The following LTF variants were observed in gnomAD, a reference collection of about 807,000 sequenced individuals.
LTF encodes lactotransferrin.
Under a neutral mutation model 87.2 loss-of-function variants are expected in LTF, and 91 were observed. That is an observed-to-expected ratio of 1.04 (90% CI 0.88 to 1.24). LTF has a LOEUF of 1.24. LTF is among the 50% of genes most tolerant of loss of function. LTF has a pLI of 0.00. For synonymous variants in LTF, 378 were observed against 356.1 expected (o/e 1.06, Z -0.69); for missense variants, 901 against 904.3 (o/e 1.00, Z 0.05).
At chr3:46,483,283 C>T (rs1229882977) in intron 1 of LTF, among the ~76,000 whole-genome samples, 1 of 152,216 alleles carries the variant, frequency 6.6e-6, no homozygotes, top group Non-Finnish European at 1.5e-5. Context: ...TGGAACCCAG[C>T]CTCTCCTCTC....
intron 12 of LTF, 46 bp from the exon 13 acceptor site, chr3:46,443,628 A>G: frequency 6.2e-7 from 1 of 1,606,440 alleles, no homozygotes; most frequent in Non-Finnish European, 8.5e-7. Context: ...ACCTGAGTCC[A>G]CACAAGCAAC....
chr3:46,450,583 T>C lies in LTF; in HGVS notation c.794A>G (p.His265Arg). 6.2e-7 allele frequency: 1 copy of C among 1,614,172 alleles called. No homozygotes were observed. ...GGCATGAGAAGGGACCCGGGCCAGA[T>C]GGCAGTCTTTGAACTTGTCCACTGG... The part of the protein sequence containing the change: ...RKPVDKFKDC[H>R]LARVPSHAVV... The change falls in exon 7 of 17, where the codon CAT (histidine) becomes CGT (arginine). Residue 265 changes from histidine to arginine, a missense_variant. His to Arg is a conservative substitution (Grantham distance 29). Transcript: ENST00000231751.
chr3:46,435,841 TTGGCC>T lies in LTF; in HGVS notation c.*349_*353del. 3.2e-6 allele frequency: 1 copy of T among 309,274 alleles called. No homozygotes were observed. Among genetic ancestry groups the T allele is most frequent in the Non-Finnish European group, 6.1e-6 (1 of 163,822 alleles). The allele number at this position is 309,274 out of a possible 1,614,324, so 19.2% of individuals were successfully genotyped here. A position where few individuals can be genotyped will look rare whatever the true frequency, so the allele number is the denominator to read the frequency against. On this transcript the variant is annotated 3_prime_UTR_variant, in exon 17 of 17. Coordinates refer to ENST00000231751, the MANE Select transcript of LTF (RefSeq NM_002343.6). ...AAGATCCCCTTAGGAAAACCGGTGC[TTGGCC>T]TGGCCTTAAATTCCAGACCCTTGGG... is the stretch of plus-strand genomic sequence containing the variant.
chr3:46,466,183 T>C (rs923724393), upstream of LTF, among the ~76,000 whole-genome samples: 1 of 151,660 alleles, frequency 6.6e-6, no homozygotes, highest in African/African-American at 2.4e-5. Context: ...AAGGTGGCAG[T>C]GAGCCATGAT....
intron 14 of LTF, 132 bp from the exon 15 acceptor site, chr3:46,439,612 G>T: frequency 1.4e-6 from 1 of 698,176 alleles, no homozygotes. Context: ...GAGGAACAGA[G>T]AAGGAGCTTC....
At position 46,459,811 on chromosome 3, in the gene LTF, G is replaced by T; in HGVS notation, c.52C>A (p.Leu18Met). ...LLFLGALGLC[L>M]AGRRRSVQWC... is the part of the protein sequence containing the mutation. ...TGAACACTCCTCCTACGGCCAGCCA[G>T]ACACAGTCCTGGGAGAGAGGGGCCA... Residue 18 changes from leucine to methionine, a missense_variant, in exon 2 of 17, where the codon CTG becomes ATG. By Grantham distance (15) the Leu-to-Met change is conservative (BLOSUM62 2). Transcript: ENST00000231751. The T allele has an allele frequency of 6.4e-7, 1 of 1,551,908 alleles. No homozygotes were observed.
At position 46,437,959 on chromosome 3, in the gene LTF, CA is replaced by C; in HGVS notation, c.2078del (p.Leu693ArgfsTer83). 6.2e-7 allele frequency: 1 copy of C among 1,613,504 alleles called. No homozygotes were observed. The highest frequency in any genetic ancestry group is 8.5e-7 in the Non-Finnish European group (1 of 1,179,852). On this transcript the variant is annotated frameshift_variant, in exon 16 of 17. Transcript: ENST00000231751. LOFTEE classifies it high-confidence loss of function. ...GPQYVAGITN[L>X]KKCSTSPLLE... The stretch of plus-strand genomic sequence containing the variant: ...ACTTACGGGAGGTTGAGCACTTTTT[CA>C]GATTAGTAATGCCTGCGACATACTG...
intron 4 of LTF, 34 bp downstream of exon 4, chr3:46,455,762 C>T: frequency 1.3e-6 from 2 of 1,535,938 alleles, no homozygotes; most frequent in South Asian, 1.3e-5. Context: ...GAGCCCCCTG[C>T]CTGAGGCCAC....
intron 12 of LTF, among the ~76,000 whole-genome samples, chr3:46,444,074 G>A (rs939976776): frequency 3.9e-5 from 6 of 152,156 alleles, no homozygotes; most frequent in African/African-American, 9.7e-5. Context: ...AGTGTTGGGC[G>A]CCAGCTTCTC....
At chr3:46,483,236 A>G (rs1242687310) in intron 1 of LTF, among the ~76,000 whole-genome samples, 1 of 152,252 alleles carries the variant, frequency 6.6e-6, no homozygotes, top group Non-Finnish European at 1.5e-5. Flanking sequence ...GCCAGCTCCC[A>G]TGAGCCAGAA....
chr3:46,450,615 A>G lies in LTF; in HGVS notation c.762T>C (p.Thr254=). The G allele has an allele frequency of 6.2e-6, 10 of 1,614,034 alleles. No homozygotes were observed. The highest frequency in any genetic ancestry group is 8.5e-6 in the Non-Finnish European group (10 of 1,179,986). ...DEYELLCPDN[T]RKPVDKFKDC... Reference sequence around the variant, plus strand: ...CTTTGAACTTGTCCACTGGCTTCCGAGTGTTGTCTGGGCAGAGTAACTCAT... The same window carrying G: ...CTTTGAACTTGTCCACTGGCTTCCGGGTGTTGTCTGGGCAGAGTAACTCAT... Residue 254 remains threonine, a synonymous_variant, in exon 7 of 17, where the codon ACT becomes ACC. Transcript: ENST00000231751.
At chr3:46,470,866 T>A (rs1703273302) in intron 1 of LTF, among the ~76,000 whole-genome samples, 1 of 152,168 alleles carries the variant, frequency 6.6e-6, no homozygotes, top group South Asian at 2.1e-4. Context: ...ATCCACCGTA[T>A]GAGGTGGGTA....
At chr3:46,469,414 T>G (rs1387190938), upstream of LTF, 2 of 152,314 alleles carry the variant, frequency 1.3e-5, no homozygotes, top group Non-Finnish European at 2.9e-5. Flanking sequence ...TGGCTTCTGA[T>G]GCTCTGGAAA....
Position 46,459,830 on chromosome 3 carries a change from G to C in LTF, c.44-11C>G, listed in dbSNP as rs763624999. The C allele has an allele frequency of 6.6e-7, 1 of 1,520,348 alleles. No homozygotes were observed. Among genetic ancestry groups the C allele is most frequent in the African/African-American group, 1.5e-5 (1 of 68,866 alleles). The allele number at this position is 1,520,348 out of a possible 1,614,324, so 94.2% of individuals were successfully genotyped here. On this transcript the variant is annotated splice_polypyrimidine_tract_variant and intron_variant, in intron 1 of 16. Transcript: ENST00000231751. Reference sequence around the variant, plus strand: ...CAGCCAGACACAGTCCTGGGAGAGAGGGGCCAAGGAGTAAGGATTCAACCA... The same window carrying C: ...CAGCCAGACACAGTCCTGGGAGAGACGGGCCAAGGAGTAAGGATTCAACCA...
intron 9 of LTF, 97 bp downstream of exon 9, chr3:46,448,766 C>A: frequency 6.9e-7 from 1 of 1,449,816 alleles, no homozygotes; most frequent in East Asian, 2.5e-5. Flanking sequence ...CCCAGGCCCC[C>A]GTGGCCTCTT....
intron 1 of LTF, among the ~76,000 whole-genome samples, chr3:46,472,572 C>T (rs926115774): frequency 6.6e-6 from 1 of 150,382 alleles, no homozygotes; most frequent in Non-Finnish European, 1.5e-5. Flanking sequence ...TGCTCTGTTG[C>T]CCAGGCTGGA....
rs1164304594 is a variant in LTF, at chr3:46,482,716, GAGAA to G, written c.-320+2266_-320+2269del. On this transcript the variant is annotated intron_variant, in intron 1 of 19. Coordinates refer to the LTF transcript ENST00000443496. ...GGAAGGAAGGAAGGAAAGAAAGAAA[GAGAA>G]AGAAAGGAAGGAAGGAAGGAAGGAA... Among the ~76,000 whole-genome samples, 40 of 89,902 alleles carry G rather than the reference GAGAA, an allele frequency of 4.4e-4. 1 individual carries two copies. Among genetic ancestry groups the G allele is most frequent in the Non-Finnish European group, 7.3e-4 (35 of 48,092 alleles). The allele number at this position is 89,902 out of a possible 152,430, so 59.0% of individuals were successfully genotyped here.
rs752383473 is a variant in LTF, at chr3:46,455,286, G to A, written c.647+9C>T. ...TGGCCACTGACGAGAAGGGGACAGG[G>A]TCACTCACTTGAAGGCACCAGAGTA... On this transcript the variant is annotated intron_variant, in intron 5 of 16. Transcript: ENST00000231751. 1.9e-6 allele frequency: 3 copies of A among 1,614,128 alleles called. No homozygotes were observed. Among genetic ancestry groups the A allele is most frequent in the African/African-American group, 2.7e-5 (2 of 74,958 alleles).
chr3:46,473,904 G>A (rs1283974579), intron 1 of LTF, among the ~76,000 whole-genome samples: 2 of 152,204 alleles, frequency 1.3e-5, no homozygotes, highest in Non-Finnish European at 2.9e-5. Flanking sequence ...AGTAGGCTGT[G>A]ATAAATCATG....
Sources: gnomAD v4.1 joint callset for allele counts (sites outside exome capture counted in the v4.1 genomes callset) on GRCh38, gnomAD v4.1.1 for gene constraint, MANE v1.5 for transcripts, NCBI Gene and HGNC (gene_info 2026-07-23, HGNC 2026-07-21) for gene names.